OR2L13: variants seen among roughly 807,000 people sequenced by gnomAD.
The protein encoded by OR2L13 is olfactory receptor family 2 subfamily L member 13, also known as olfactory receptor 2L13.
OR2L13 carries 14 observed loss-of-function variants against 15.3 expected under a neutral mutation model. The ratio of observed to expected loss-of-function variants is 0.91; its 90% CI spans 0.60 to 1.43. The LOEUF is 1.43. Ranked by LOEUF, OR2L13 falls within the 40% of genes most tolerant of loss-of-function variation. The probability of loss-of-function intolerance (pLI) is 0.00; values close to 1 mark genes in which losing one functional copy is unlikely to be tolerated. For missense variants in OR2L13, 367 were observed against 387.9 expected, an observed-to-expected ratio of 0.95 and a Z score of 0.45; for synonymous variants, 152 against 142.9, an observed-to-expected ratio of 1.06 and a Z score of -0.45.
the OR2L13 span, among the ~76,000 whole-genome samples, chr1:247,943,291 G>A: frequency 6.5e-3 from 985 of 152,178 alleles, 14 homozygotes; most frequent in African/African-American, 0.022. Context: ...GAGTGAGGGA[G>A]GAGGCAAGGG....
the OR2L13 span, among the ~76,000 whole-genome samples, chr1:247,999,056 A>G: frequency 2.0e-5 from 3 of 152,148 alleles, no homozygotes; most frequent in East Asian, 5.8e-4. Context: ...GCTTCTCTTC[A>G]GTGATACACC....
At chr1:248,018,120 A>C in the OR2L13 span, among the ~76,000 whole-genome samples, 3 of 150,098 alleles carry the variant, frequency 2.0e-5, no homozygotes, top group Non-Finnish European at 4.4e-5. Context: ...ACACCACTGC[A>C]CTCCAGCCTA....
chr1:248,017,649 G>A, the OR2L13 span, among the ~76,000 whole-genome samples: 21 of 152,088 alleles, frequency 1.4e-4, no homozygotes, highest in Non-Finnish European at 2.6e-4. Context: ...ACATGCAGGG[G>A]GTGAGGAGAT....
chr1:248,008,358 A>G, the OR2L13 span, among the ~76,000 whole-genome samples: 2 of 152,098 alleles, frequency 1.3e-5, no homozygotes, highest in Non-Finnish European at 2.9e-5. Context: ...TCTTGCATTG[A>G]CCATTTATTT....
the OR2L13 span, among the ~76,000 whole-genome samples, chr1:247,994,178 C>T: frequency 8.5e-5 from 13 of 152,096 alleles, no homozygotes; most frequent in South Asian, 2.5e-3. Context: ...GGGCGGATCA[C>T]AGGGTCAGGA....
chr1:248,023,911 C>T, the OR2L13 span: 1 of 152,098 alleles, frequency 6.6e-6, no homozygotes, highest in South Asian at 2.1e-4. Flanking sequence ...TTCTAAAGTT[C>T]TTTCTGTTGC....
chr1:247,974,657 T>C, the OR2L13 span: 1 of 204,774 alleles, frequency 4.9e-6, no homozygotes, highest in East Asian at 1.3e-4. Context: ...TCCCTGGAGG[T>C]CTTGGAATGC....
At chr1:248,034,208 C>G in the OR2L13 span, among the ~76,000 whole-genome samples, 9 of 152,106 alleles carry the variant, frequency 5.9e-5, no homozygotes, top group East Asian at 1.7e-3. Context: ...TAGGTAGAAT[C>G]AATATTGTGA....
the OR2L13 span, among the ~76,000 whole-genome samples, chr1:247,977,147 C>T: frequency 1.3e-5 from 2 of 152,176 alleles, no homozygotes; most frequent in Admixed American, 1.3e-4. Flanking sequence ...TTGGTCTTTT[C>T]CTCTTCACAT....
At chr1:247,966,006 AT>A in the OR2L13 span, 6 of 1,613,134 alleles carry the variant, frequency 3.7e-6, no homozygotes, top group African/African-American at 2.7e-5. Context: ...TGCTACTACC[AT>A]TCCTAGCCAT....
At chr1:247,947,560 G>A in the OR2L13 span, among the ~76,000 whole-genome samples, 1 of 152,068 alleles carries the variant, frequency 6.6e-6, no homozygotes, top group African/African-American at 2.4e-5. Context: ...GCAATTGCAT[G>A]CTCCTCCAAG....
chr1:248,035,621 A>C, the OR2L13 span: 1 of 152,190 alleles, frequency 6.6e-6, no homozygotes, highest in Non-Finnish European at 1.5e-5. Flanking sequence ...TCCTGAACCC[A>C]AAGGTAAGGA....
At chr1:248,087,854 T>C in the OR2L13 span, among the ~76,000 whole-genome samples, 1 of 152,290 alleles carries the variant, frequency 6.6e-6, no homozygotes, top group East Asian at 1.9e-4. Flanking sequence ...AATGAATTAG[T>C]GAAGTGAAAG....
the OR2L13 span, chr1:247,949,841 T>C: frequency 2.0e-4 from 294 of 1,454,930 alleles, no homozygotes; most frequent in South Asian, 9.4e-4. Context: ...ACACATCCAT[T>C]CAGCAGTGTA....
At chr1:248,060,885 T>A in the OR2L13 span, 1 of 1,613,934 alleles carries the variant, frequency 6.2e-7, no homozygotes. Flanking sequence ...TCTCCCTCAT[T>A]GACCTAAATT....
the OR2L13 span, among the ~76,000 whole-genome samples, chr1:248,032,213 G>A: frequency 6.6e-6 from 1 of 152,076 alleles, no homozygotes; most frequent in Non-Finnish European, 1.5e-5. Flanking sequence ...GCTCTGTAGA[G>A]GCTCAGAAAC....
chr1:248,099,817 T>C, exon 3 of OR2L13: 1 of 1,614,174 alleles, frequency 6.2e-7, no homozygotes, highest in Non-Finnish European at 8.5e-7. Flanking sequence ...TGGAGGCTCT[T>C]GGACACTGGG....
At chr1:247,940,475 TATC>T in the OR2L13 span, among the ~76,000 whole-genome samples, 1 of 152,188 alleles carries the variant, frequency 6.6e-6, no homozygotes, top group East Asian at 1.9e-4. Context: ...AATATAAAGG[TATC>T]ATAGCAAGCT....
chr1:248,060,576 A>C, the OR2L13 span: 2 of 868,984 alleles, frequency 2.3e-6, no homozygotes, highest in African/African-American at 1.7e-5. Flanking sequence ...CTCCAGTCTC[A>C]AGAATTTACT....
Sources: gnomAD v4.1 joint callset for allele counts (sites outside exome capture counted in the v4.1 genomes callset) on GRCh38, gnomAD v4.1.1 for gene constraint, MANE v1.5 for transcripts, NCBI Gene and HGNC (gene_info 2026-07-23, HGNC 2026-07-21) for gene names.